Variants in MEPCE observed in about 807,000 individuals in gnomAD.
MEPCE encodes methylphosphate capping enzyme, also known as 7SK snRNA methylphosphate capping enzyme.
In MEPCE, 9 loss-of-function variants were observed where a neutral mutation model predicts 52.3. That is an observed-to-expected ratio of 0.17 (90% CI 0.10 to 0.30). The LOEUF (loss-of-function observed/expected upper bound fraction) is 0.30, where lower values mean the gene tolerates loss of function less well. Ranked by LOEUF, MEPCE falls within the 10% of genes least tolerant of loss-of-function variation. The pLI, the probability that MEPCE is intolerant of heterozygous loss-of-function variation, is 1.00. For missense variants in MEPCE, 826 were observed against 933.0 expected, an observed-to-expected ratio of 0.89 and a Z score of 1.49; for synonymous variants, 477 against 401.6, an observed-to-expected ratio of 1.19 and a Z score of -2.25.
chr7:100,430,453 CG>C lies in MEPCE; in HGVS notation c.440del (p.Gly147AlafsTer9), dbSNP rs1365445504. The C allele has an allele frequency of 1.3e-6, 2 of 1,554,794 alleles. No homozygotes were observed. The highest frequency in any genetic ancestry group is 1.7e-6 in the Non-Finnish European group (2 of 1,153,876). On this transcript the variant is annotated frameshift_variant, in exon 1 of 4. Transcript: ENST00000310512. LOFTEE classifies it high-confidence loss of function. ...AGCCCCACCGGCCACCTGGGGGGGG[CG>C]GGGGCAAGAGGAGAAATAGCTGTAA... Reference protein sequence around the residue: ...YQPHRPPGGGGGKRRNSCNVG... With the variant: ...YQPHRPPGGGXGKRRNSCNVG...
At position 100,431,502 on chromosome 7, in the gene MEPCE, T is replaced by C. The variant is rs1798701688; in HGVS notation, c.1484T>C (p.Leu495Pro). The stretch of plus-strand genomic sequence containing the variant: ...ATCCGACACTACCTTTCCGAGGAGC[T>C]GCGTCTCCCACCCCAGACTTTGGAA... ...QNIRHYLSEE[L>P]RLPPQTLEGD... The change falls in exon 1 of 4, where the codon CTG (leucine) becomes CCG (proline). Residue 495 changes from leucine (L) to proline (P), a missense_variant. Coordinates refer to ENST00000310512, the MANE Select transcript of MEPCE (RefSeq NM_019606.6). 1 of 1,613,236 alleles carries C rather than the reference T, an allele frequency of 6.2e-7. No homozygotes were observed. The highest frequency in any genetic ancestry group is 1.7e-5 in the Admixed American group (1 of 59,980).
Position 100,430,761 on chromosome 7 carries a change from G to A in MEPCE, c.743G>A (p.Gly248Asp), listed in dbSNP as rs930938059. 2.0e-5 allele frequency: 33 copies of A among 1,613,900 alleles called. No homozygotes were observed. Among genetic ancestry groups the A allele is most frequent in the Non-Finnish European group, 2.8e-5 (33 of 1,180,020 alleles). ...AGTCTCAATACTTGCACTGATGAGG[G>A]CCATGTAGTTCTTGCTTCGCCACTC... is the stretch of plus-strand genomic sequence containing the variant. Reference protein sequence around the residue: ...PLSLNTCTDEGHVVLASPLKT... With the variant: ...PLSLNTCTDEDHVVLASPLKT... The change falls in exon 1 of 4, where the codon GGC (glycine) becomes GAC (aspartate). Residue 248 changes from glycine to aspartate, a missense_variant. Coordinates refer to ENST00000310512, the MANE Select transcript of MEPCE (RefSeq NM_019606.6).
At chr7:100,431,947 G>A (rs1055210216) in intron 1 of MEPCE, among the ~76,000 whole-genome samples, 1 of 152,110 alleles carries the variant, frequency 6.6e-6, no homozygotes, top group African/African-American at 2.4e-5. Flanking sequence ...CTCTGCTCCC[G>A]GCTTGGCCTA....
Position 100,431,493 on chromosome 7 carries a change from C to A in MEPCE, c.1475C>A (p.Ser492Tyr), listed in dbSNP as rs945386916. 5 of 1,613,504 alleles carry A rather than the reference C, an allele frequency of 3.1e-6. No homozygotes were observed. The Admixed American group carries it at 5.0e-5, about 16-fold the overall frequency. Residue 492 changes from serine (S) to tyrosine (Y), a missense_variant, in exon 1 of 4, where the codon TCC becomes TAC. Around this residue, in one of 7 missense-constraint regions of MEPCE, gnomAD observed 107 missense variants for 157.9 expected, o/e 0.68. Transcript: ENST00000310512. ...CGCCAAAACATCCGACACTACCTTTCCGAGGAGCTGCGTCTCCCACCCCAG... is the reference window on the plus strand; with the variant it reads ...CGCCAAAACATCCGACACTACCTTTACGAGGAGCTGCGTCTCCCACCCCAG... The part of the protein sequence containing the change: ...SARQNIRHYL[S>Y]EELRLPPQTL...
At position 100,433,793 on chromosome 7, in the gene MEPCE, A is replaced by G. The variant is rs11538333; in HGVS notation, c.*239A>G. On this transcript the variant is annotated 3_prime_UTR_variant, in exon 4 of 4. Coordinates refer to ENST00000310512, the MANE Select transcript of MEPCE (RefSeq NM_019606.6). ...TCATCTTCCTCTCCCCCAGCCTCCC[A>G]GGCTGGATGGCATGGACTGTTTGCT... The G allele has an allele frequency of 3.5e-6, 2 of 577,140 alleles. No individual in the cohort carries two copies. The highest frequency in any genetic ancestry group is 1.9e-5 in the African/African-American group (1 of 53,546). The allele number at this position is 577,140 out of a possible 1,614,324, so 35.8% of individuals were successfully genotyped here.
chr7:100,430,527 G>A lies in MEPCE; in HGVS notation c.509G>A (p.Arg170His). The change falls in exon 1 of 4, where the codon CGC becomes CAC. Residue 170 changes from arginine (R) to histidine (H), a missense_variant. Around this residue, in one of 7 missense-constraint regions of MEPCE, gnomAD observed 314 missense variants for 277.7 expected, o/e 1.13. Coordinates refer to ENST00000310512, the MANE Select transcript of MEPCE (RefSeq NM_019606.6). Reference protein sequence around the residue: ...GGFKHPAFKRRRRVNSDCDSV... With the variant: ...GGFKHPAFKRHRRVNSDCDSV... The stretch of plus-strand genomic sequence containing the variant: ...TTCAAACATCCGGCCTTCAAGAGGC[G>A]CAGGCGGGTGAATTCGGACTGTGAC... 6.3e-7 allele frequency: 1 copy of A among 1,583,654 alleles called. No individual in the cohort carries two copies. Among genetic ancestry groups the A allele is most frequent in the South Asian group, 1.1e-5 (1 of 89,040 alleles).
chr7:100,430,876 C>T lies in MEPCE; in HGVS notation c.858C>T (p.Pro286=). ...AGGSESHPVP[P]TAPLTPLLHG... Reference sequence around the variant, plus strand: ...GGAGTGAGAGTCACCCCGTGCCGCCCACAGCCCCTCTCACCCCCTTACTCC... The same window carrying T: ...GGAGTGAGAGTCACCCCGTGCCGCCTACAGCCCCTCTCACCCCCTTACTCC... Residue 286 remains proline, a synonymous_variant, in exon 1 of 4, where the codon CCC becomes CCT. Coordinates refer to ENST00000310512, the MANE Select transcript of MEPCE (RefSeq NM_019606.6). The T allele has an allele frequency of 6.2e-7, 1 of 1,609,310 alleles. No homozygotes were observed. Among genetic ancestry groups the T allele is most frequent in the Non-Finnish European group, 8.5e-7 (1 of 1,177,046 alleles).
chr7:100,430,066 G>A lies in MEPCE; in HGVS notation c.48G>A (p.Pro16=). Residue 16 remains proline, a synonymous_variant, in exon 1 of 4, where the codon CCG becomes CCA. Coordinates refer to ENST00000310512, the MANE Select transcript of MEPCE (RefSeq NM_019606.6). ...AGGAGCCGTTTCTGGTGCCGGCCCC[G>A]CCGCCGCCGCTCAAAGATGAGTCGG... is the stretch of plus-strand genomic sequence containing the variant. ...AEKEPFLVPA[P]PPPLKDESGG... 7.9e-7 allele frequency: 1 copy of A among 1,262,920 alleles called. No homozygotes were observed. Among genetic ancestry groups the A allele is most frequent in the South Asian group, 2.9e-5 (1 of 33,968 alleles). The allele number at this position is 1,262,920 out of a possible 1,614,324, so 78.2% of individuals were successfully genotyped here.
Position 100,430,301 on chromosome 7 carries a change from C to T in MEPCE, c.283C>T (p.His95Tyr). 1 of 1,417,914 alleles carries T rather than the reference C, an allele frequency of 7.1e-7. No homozygotes were observed. 87.8% of individuals were successfully genotyped at this position (1,417,914 alleles called of 1,614,324 possible). ...HRGGGPQAQS[H>Y]GEARLSDPPG... ...AGGGGGCGGCCCCCAGGCGCAGTCG[C>T]ATGGGGAGGCCCGCCTGTCGGATCC... The change falls in exon 1 of 4, where the codon CAT (histidine) becomes TAT (tyrosine). Residue 95 changes from histidine (H) to tyrosine (Y), a missense_variant. His to Tyr is a moderately conservative substitution (Grantham distance 83). Around this residue, in one of 7 missense-constraint regions of MEPCE, gnomAD observed 314 missense variants for 277.7 expected, o/e 1.13. Coordinates refer to ENST00000310512, the MANE Select transcript of MEPCE (RefSeq NM_019606.6).
At position 100,430,918 on chromosome 7, in the gene MEPCE, A is replaced by G. The variant is rs201563597; in HGVS notation, c.900A>G (p.Ser300=). 6.2e-7 allele frequency: 1 copy of G among 1,608,802 alleles called. No homozygotes were observed. The highest frequency in any genetic ancestry group is 8.5e-7 in the Non-Finnish European group (1 of 1,176,832). Residue 300 remains serine, a synonymous_variant, in exon 1 of 4, where the codon TCA becomes TCG. Transcript: ENST00000310512. ...CCTTACTCCACGGGGAGGGCGCCTC[A>G]CAGCAGCCGCGGCACAGGGGCCAGA... is the stretch of plus-strand genomic sequence containing the variant. ...LTPLLHGEGA[S]QQPRHRGQNR...
rs1437089635 is a variant in MEPCE, at chr7:100,430,010, G to T, written c.-9G>T. ...CGTTACCCCGACTGGCACGGAATAA[G>T]GGGAGGAAATGATCGAGATGGCGGC... On this transcript the variant is annotated 5_prime_UTR_variant, in exon 1 of 4. The change creates a new upstream start codon in the 5' untranslated region. Transcript: ENST00000310512. 1.6e-6 allele frequency: 2 copies of T among 1,267,232 alleles called. No individual in the cohort carries two copies. The highest frequency in any genetic ancestry group is 2.0e-6 in the Non-Finnish European group (2 of 1,007,036). 78.5% of individuals were successfully genotyped at this position (1,267,232 alleles called of 1,614,324 possible).
Position 100,430,900 on chromosome 7 carries a change from C to T in MEPCE, c.882C>T (p.Leu294=). 2 of 1,609,296 alleles carry T rather than the reference C, an allele frequency of 1.2e-6. No individual in the cohort carries two copies. The highest frequency in any genetic ancestry group is 8.5e-7 in the Non-Finnish European group (1 of 1,177,176). The part of the protein sequence containing the change: ...VPPTAPLTPL[L]HGEGASQQPR... ...CCACAGCCCCTCTCACCCCCTTACTCCACGGGGAGGGCGCCTCACAGCAGC... is the reference window on the plus strand; with the variant it reads ...CCACAGCCCCTCTCACCCCCTTACTTCACGGGGAGGGCGCCTCACAGCAGC... The change falls in exon 1 of 4, where the codon CTC becomes CTT. Residue 294 remains leucine (L), a synonymous_variant. Transcript: ENST00000310512.
Position 100,433,994 on chromosome 7 carries a change from A to AT in MEPCE, c.*440_*441insT. Reference sequence around the variant, plus strand: ...AGGGACTGAGGGTTAGACGGGGAAGACTGGCAGGGAGGCACGCAGGTACTG... The same window carrying AT: ...AGGGACTGAGGGTTAGACGGGGAAGATCTGGCAGGGAGGCACGCAGGTACTG... On this transcript the variant is annotated 3_prime_UTR_variant, in exon 4 of 4. Coordinates refer to ENST00000310512, the MANE Select transcript of MEPCE (RefSeq NM_019606.6). 5.8e-6 allele frequency: 1 copy of AT among 171,670 alleles called. No individual in the cohort carries two copies. Among genetic ancestry groups the AT allele is most frequent in the South Asian group, 1.4e-4 (1 of 7,114 alleles). The allele number at this position is 171,670 out of a possible 1,614,324, so 10.6% of individuals were successfully genotyped here. A position where few individuals can be genotyped will look rare whatever the true frequency, so the allele number is the denominator to read the frequency against.
rs748984363 is a variant in MEPCE at position 100,431,140 on chromosome 7, A to G, written c.1122A>G (p.Ala374=). The G allele has an allele frequency of 6.2e-7, 1 of 1,613,668 alleles. No individual in the cohort carries two copies. Among genetic ancestry groups the G allele is most frequent in the Non-Finnish European group, 8.5e-7 (1 of 1,180,016 alleles). Residue 374 remains alanine (A), a synonymous_variant, in exon 1 of 4, where the codon GCA becomes GCG. Coordinates refer to ENST00000310512, the MANE Select transcript of MEPCE (RefSeq NM_019606.6). ...KRRRTSSKSE[A]GARGGGQGSK... ...GCAGGACTTCCAGCAAGTCGGAGGC[A>G]GGGGCTAGGGGTGGAGGCCAGGGTT...
intron 3 of MEPCE, 53 bp downstream of exon 3, chr7:100,433,442 A>G: frequency 6.2e-7 from 1 of 1,613,600 alleles, no homozygotes; most frequent in South Asian, 1.1e-5. Flanking sequence ...AAGAGTGCAG[A>G]CCCCCATGGG....
chr7:100,432,855 G>T (rs1028331501), intron 1 of MEPCE, 64 bp from the exon 2 acceptor site: 8 of 1,476,290 alleles, frequency 5.4e-6, no homozygotes, highest in Admixed American at 1.7e-5. Context: ...CTCAGAGCAG[G>T]TTGCCTGGGA....
chr7:100,430,008 A>T lies in MEPCE; in HGVS notation c.-11A>T. On this transcript the variant is annotated 5_prime_UTR_variant, in exon 1 of 4. Coordinates refer to ENST00000310512, the MANE Select transcript of MEPCE (RefSeq NM_019606.6). ...CTCGTTACCCCGACTGGCACGGAAT[A>T]AGGGGAGGAAATGATCGAGATGGCG... is the stretch of plus-strand genomic sequence containing the variant. 2.4e-6 allele frequency: 3 copies of T among 1,260,388 alleles called. No individual in the cohort carries two copies. The highest frequency in any genetic ancestry group is 3.0e-6 in the Non-Finnish European group (3 of 1,002,856). 78.1% of individuals were successfully genotyped at this position (1,260,388 alleles called of 1,614,324 possible). A position where few individuals can be genotyped will look rare whatever the true frequency, so the allele number is the denominator to read the frequency against.
At chr7:100,429,333 C>G (rs958343094), upstream of MEPCE, 4 of 152,426 alleles carry the variant, frequency 2.6e-5, no homozygotes, top group East Asian at 7.7e-4. Flanking sequence ...CACGTGCTGC[C>G]TCTACCCGCG....
Position 100,430,453 on chromosome 7 carries a change from C to T in MEPCE, c.435C>T (p.Gly145=). 2 of 1,554,816 alleles carry T rather than the reference C, an allele frequency of 1.3e-6. No homozygotes were observed. Among genetic ancestry groups the T allele is most frequent in the South Asian group, 1.2e-5 (1 of 84,932 alleles). ...AGCCCCACCGGCCACCTGGGGGGGG[C>T]GGGGGCAAGAGGAGAAATAGCTGTA... is the stretch of plus-strand genomic sequence containing the variant. ...GYQPHRPPGG[G]GGKRRNSCNV... is the part of the protein sequence containing the mutation. The change falls in exon 1 of 4, where the codon GGC becomes GGT. Residue 145 remains glycine (G), a synonymous_variant. Transcript: ENST00000310512.
Sources: allele counts gnomAD v4.1 joint callset (sites outside exome capture counted in the v4.1 genomes callset), GRCh38; gene constraint gnomAD v4.1.1; regional missense constraint gnomAD v4.1.1; transcripts MANE v1.5; gene names NCBI Gene and HGNC (gene_info 2026-07-23, HGNC 2026-07-21).